GNAZ: variants seen among roughly 807,000 people sequenced by gnomAD.
GNAZ encodes G protein subunit alpha z, also known as guanine nucleotide-binding protein G(z) subunit alpha.
In GNAZ, 3 loss-of-function variants were observed where a neutral mutation model predicts 25.4. That is an observed-to-expected ratio of 0.12 (90% CI 0.05 to 0.30). The LOEUF (loss-of-function observed/expected upper bound fraction) is 0.30, where lower values mean the gene tolerates loss of function less well. Among genes scored for constraint, GNAZ ranks in the 10% least tolerant of loss-of-function variants. The pLI is 1.00. For missense variants in GNAZ, 241 were observed against 501.8 expected, an observed-to-expected ratio of 0.48 and a Z score of 4.97; for synonymous variants, 211 against 205.7, an observed-to-expected ratio of 1.03 and a Z score of -0.22.
chr22:23,107,865 T>C lies in GNAZ; in HGVS notation c.723+11447T>C, dbSNP rs1418711353. Among the ~76,000 whole-genome samples, 4 of 152,172 alleles carry C rather than the reference T, an allele frequency of 2.6e-5. No individual in the cohort carries two copies. In the South Asian group the frequency reaches 6.2e-4, roughly 24 times the overall value. On this transcript the variant is annotated intron_variant, in intron 2 of 2. Coordinates refer to ENST00000615612, the MANE Select transcript of GNAZ (RefSeq NM_002073.4). ...CAGTCTGTTCTGCCAGATTGACCCA[T>C]TGACCGACGAAGCCACAGTGAGGAA...
At chr22:23,082,377 A>AT (rs34931887) in intron 1 of GNAZ, among the ~76,000 whole-genome samples, 8,087 of 116,460 alleles carry the variant, frequency 0.069, 300 homozygotes, top group Non-Finnish European at 0.082. Flanking sequence ...ACACCTGGCT[A>AT]TTTTTTTTTT....
intron 1 of GNAZ, among the ~76,000 whole-genome samples, chr22:23,086,082 G>A (rs993218875): frequency 2.0e-5 from 3 of 152,270 alleles, no homozygotes; most frequent in African/African-American, 7.2e-5. Flanking sequence ...TCTGTCTACG[G>A]CGGGTGACCC....
chr22:23,114,684 C>T (rs2069769695), intron 2 of GNAZ, among the ~76,000 whole-genome samples: 2 of 152,234 alleles, frequency 1.3e-5, no homozygotes, highest in African/African-American at 4.8e-5. Flanking sequence ...GGGAAGTATG[C>T]TTACATATTC....
chr22:23,108,246 G>T (rs575886635), intron 2 of GNAZ, among the ~76,000 whole-genome samples: 1 of 152,264 alleles, frequency 6.6e-6, no homozygotes, highest in East Asian at 1.9e-4. Flanking sequence ...GCTGGGCAGA[G>T]CAGGGGAGAG....
intron 2 of GNAZ, among the ~76,000 whole-genome samples, chr22:23,116,555 A>G (rs2069841605): frequency 6.6e-6 from 1 of 152,246 alleles, no homozygotes; most frequent in African/African-American, 2.4e-5. Flanking sequence ...AGGCAGGGAC[A>G]GGAAGGATGC....
intron 2 of GNAZ, among the ~76,000 whole-genome samples, chr22:23,119,743 G>A (rs1315866695): frequency 6.6e-6 from 1 of 152,228 alleles, no homozygotes; most frequent in Non-Finnish European, 1.5e-5. Flanking sequence ...GAAGCTTCCT[G>A]TCTGAGCCCG....
intron 1 of GNAZ, among the ~76,000 whole-genome samples, chr22:23,075,113 G>A (rs2068477156): frequency 6.6e-6 from 1 of 152,182 alleles, no homozygotes. Context: ...GGACCTCAAG[G>A]ATAATATTGG....
At chr22:23,120,847 G>A (rs1463671438) in intron 2 of GNAZ, among the ~76,000 whole-genome samples, 1 of 152,172 alleles carries the variant, frequency 6.6e-6, no homozygotes, top group East Asian at 1.9e-4. Context: ...CTCAGGGCGC[G>A]CTCAGCAAGT....
intron 1 of GNAZ, among the ~76,000 whole-genome samples, chr22:23,074,607 C>G (rs1392470260): frequency 6.6e-6 from 1 of 152,082 alleles, no homozygotes; most frequent in Admixed American, 6.5e-5. Context: ...CGTGAGGTCA[C>G]TTAGGGATCA....
chr22:23,081,690 T>C (rs1406292956), intron 1 of GNAZ, among the ~76,000 whole-genome samples: 4 of 151,800 alleles, frequency 2.6e-5, no homozygotes, highest in African/African-American at 9.7e-5. Flanking sequence ...GCCATGGTGG[T>C]GGACACCTGT....
chr22:23,097,279 C>T (rs893496376), intron 2 of GNAZ, among the ~76,000 whole-genome samples: 1 of 152,238 alleles, frequency 6.6e-6, no homozygotes, highest in African/African-American at 2.4e-5. Flanking sequence ...CTTGGGAGCA[C>T]TGGCCTCCGA....
chr22:23,076,218 C>G (rs547846842), intron 1 of GNAZ, among the ~76,000 whole-genome samples: 2 of 152,292 alleles, frequency 1.3e-5, no homozygotes, highest in African/African-American at 4.8e-5. Flanking sequence ...ATTTTTTTCC[C>G]CTTAGCACTC....
At chr22:23,088,312 G>A (rs914287755) in intron 1 of GNAZ, among the ~76,000 whole-genome samples, 3 of 152,118 alleles carry the variant, frequency 2.0e-5, no homozygotes, top group African/African-American at 7.2e-5. Flanking sequence ...CTGGCTTGGG[G>A]TTGGAGCCTT....
rs953104012 is a variant in GNAZ at position 23,124,430 on chromosome 22, C to T, written c.*999C>T. 4.0e-5 allele frequency: 19 copies of T among 469,390 alleles called. No individual in the cohort carries two copies. Among genetic ancestry groups the T allele is most frequent in the Non-Finnish European group, 8.0e-5 (18 of 226,048 alleles). 29.1% of individuals were successfully genotyped at this position (469,390 alleles called of 1,614,324 possible). ...AATTTTGGAGTGAGTGGCAGTCCTG[C>T]GCCAGCCTCGCGGGACACGTGTTGT... On this transcript the variant is annotated 3_prime_UTR_variant, in exon 3 of 3. Coordinates refer to ENST00000615612, the MANE Select transcript of GNAZ (RefSeq NM_002073.4).
chr22:23,080,034 G>A (rs541589009), intron 1 of GNAZ, among the ~76,000 whole-genome samples: 1 of 152,172 alleles, frequency 6.6e-6, no homozygotes, highest in East Asian at 1.9e-4. Flanking sequence ...CTTCCCTGGG[G>A]AAACTGGGGA....
In GNAZ at chr22:23,108,850, G is replaced by C. The variant is rs568625336; in HGVS notation, c.723+12432G>C. ...GCTGGAGAGGTGGTGTCCCTATTTGGGGACTCAGTACTCTGAAGTCAGGGT... is the reference window on the plus strand; with the variant it reads ...GCTGGAGAGGTGGTGTCCCTATTTGCGGACTCAGTACTCTGAAGTCAGGGT... On this transcript the variant is annotated intron_variant, in intron 2 of 2. Coordinates refer to ENST00000615612, the MANE Select transcript of GNAZ (RefSeq NM_002073.4). Among the ~76,000 whole-genome samples the C allele has an allele frequency of 3.9e-5, 6 of 152,336 alleles. No homozygotes were observed. In the South Asian group the frequency reaches 1.2e-3, roughly 32 times the overall value.
chr22:23,073,225 C>T (rs1454506727), intron 1 of GNAZ, among the ~76,000 whole-genome samples: 1 of 152,236 alleles, frequency 6.6e-6, no homozygotes, highest in African/African-American at 2.4e-5. Context: ...TCTCCCGAAC[C>T]CTCCAGCAAG....
rs763921035 is a variant in GNAZ, at chr22:23,123,237, A to C, written c.874A>C (p.Lys292Gln). The change falls in exon 3 of 3, where the codon AAG becomes CAG. Residue 292 changes from lysine (K) to glutamine (Q), a missense_variant. Transcript: ENST00000615612. ...IPLTICFPEY[K>Q]GQNTYEEAAV... ...GCTCACCATCTGCTTTCCCGAGTAC[A>C]AGGGCCAGAACACGTACGAGGAGGC... 4.3e-6 allele frequency: 7 copies of C among 1,614,186 alleles called. No homozygotes were observed. The South Asian group carries it at 6.6e-5, about 15-fold the overall frequency.
chr22:23,093,120 A>T (rs747664562), intron 1 of GNAZ, among the ~76,000 whole-genome samples: 13 of 152,218 alleles, frequency 8.5e-5, no homozygotes, highest in Admixed American at 8.5e-4. Flanking sequence ...TATCATGTAC[A>T]TGTCATCTTT....
Sources: gnomAD v4.1 joint callset for allele counts (sites outside exome capture counted in the v4.1 genomes callset) on GRCh38, gnomAD v4.1.1 for gene constraint, MANE v1.5 for transcripts, NCBI Gene and HGNC (gene_info 2026-07-23, HGNC 2026-07-21) for gene names.